The following EGFL7 variants were observed in gnomAD, a reference collection of about 807,000 sequenced individuals.
EGFL7 encodes the protein EGF like domain multiple 7, also known as epidermal growth factor-like protein 7.
Under a neutral mutation model 37.1 loss-of-function variants are expected in EGFL7, and 48 were observed. The ratio of observed to expected loss-of-function variants is 1.29; its 90% CI spans 1.03 to 1.65. The LOEUF (loss-of-function observed/expected upper bound fraction) is 1.65. EGFL7 is among the 40% of genes most tolerant of loss of function. The pLI is 0.00. For synonymous variants in EGFL7, 180 were observed against 156.8 expected (o/e 1.15, Z -1.10); for missense variants, 384 against 378.9 (o/e 1.01, Z -0.11).
intron 10 of EGFL7, 34 bp from the exon 11 acceptor site, chr9:136,672,230 A>C: frequency 6.2e-7 from 1 of 1,613,254 alleles, no homozygotes; most frequent in Admixed American, 1.7e-5. Context: ...TGTGGGGAGC[A>C]GTGATCTCTG....
At chr9:136,660,998 G>A (rs1320143977), upstream of EGFL7, among the ~76,000 whole-genome samples, 5 of 152,120 alleles carry the variant, frequency 3.3e-5, no homozygotes, top group East Asian at 9.7e-4. Flanking sequence ...ATGCAGGTGG[G>A]GGAGGAGGGG....
At chr9:136,662,316 C>T (rs1014759642), upstream of EGFL7, among the ~76,000 whole-genome samples, 16 of 152,184 alleles carry the variant, frequency 1.1e-4, no homozygotes, top group Admixed American at 5.9e-4. Context: ...TGTCCCCTCC[C>T]GTCACCCCCT....
chr9:136,670,757 G>C, intron 8 of EGFL7, 193 bp from the exon 9 acceptor site: 3 of 730,870 alleles, frequency 4.1e-6, no homozygotes, highest in South Asian at 2.9e-5. Context: ...GAGCCTCTGC[G>C]CAGAGCCACC....
rs148765702 is a variant in EGFL7 at position 136,668,288 on chromosome 9, G to A, written c.6G>A (p.Arg2=). M[R]GSQEVLLMWL... Reference sequence around the variant, plus strand: ...CCCGCCTGGAGGCACAGGCCATGAGGGGCTCTCAGGAGGTGCTGCTGATGT... The same window carrying A: ...CCCGCCTGGAGGCACAGGCCATGAGAGGCTCTCAGGAGGTGCTGCTGATGT... Residue 2 remains arginine, a synonymous_variant, in exon 4 of 11, where the codon AGG becomes AGA. Transcript: ENST00000308874. 6 of 1,605,656 alleles carry A rather than the reference G, an allele frequency of 3.7e-6. No individual in the cohort carries two copies. The highest frequency in any genetic ancestry group is 2.7e-5 in the African/African-American group (2 of 74,812).
upstream of EGFL7, chr9:136,659,702 G>T (rs1301604709): frequency 2.6e-5 from 4 of 152,412 alleles, no homozygotes; most frequent in East Asian, 7.7e-4. Context: ...TGGACAACAT[G>T]GCCCTGCTGA....
chr9:136,671,130 CG>C, intron 9 of EGFL7, 116 bp downstream of exon 9: 10 of 708,728 alleles, frequency 1.4e-5, no homozygotes, highest in South Asian at 1.1e-4. Context: ...GGTGAGGCAT[CG>C]GGGGGGTAGG....
chr9:136,668,771 C>A, intron 5 of EGFL7, 98 bp downstream of exon 5: 2 of 1,117,212 alleles, frequency 1.8e-6, no homozygotes, highest in Non-Finnish European at 2.6e-6. Context: ...TCCTGGGACC[C>A]AAGATGGGAA....
rs776233804 is a variant in EGFL7 at position 136,671,039 on chromosome 9, G to T, written c.636+25G>T. ...GGTGAGGCATTGGTGGGGGGGGGGG[G>T]GGGCAGGCAGTCCAGGGTGGACCTG... On this transcript the variant is annotated intron_variant, in intron 9 of 10. Transcript: ENST00000308874. The T allele has an allele frequency of 3.1e-5, 31 of 1,015,108 alleles. 1 individual carries two copies. The East Asian group carries it at 8.8e-4, about 29-fold the overall frequency. 62.9% of individuals were successfully genotyped at this position (1,015,108 alleles called of 1,614,324 possible). A position where few individuals can be genotyped will look rare whatever the true frequency, so the allele number is the denominator to read the frequency against.
Position 136,672,260 on chromosome 9 carries a change from C to T in EGFL7, c.800-4C>T, listed in dbSNP as rs771909271. On this transcript the variant is annotated splice_region_variant and splice_polypyrimidine_tract_variant and intron_variant, in intron 10 of 10. Transcript: ENST00000308874. ...TCTCTGACCTTCGCCTCATCCAACCCTAGGCTCCTGCAAGAAAGACTCGTG... is the reference window on the plus strand; with the variant it reads ...TCTCTGACCTTCGCCTCATCCAACCTTAGGCTCCTGCAAGAAAGACTCGTG... The T allele has an allele frequency of 3.7e-6, 6 of 1,613,432 alleles. No individual in the cohort carries two copies. The South Asian group carries it at 6.6e-5, about 18-fold the overall frequency.
rs745517015 is a variant in EGFL7 at position 136,672,060 on chromosome 9, T to G, written c.771T>G (p.Ile257Met). Residue 257 changes from isoleucine to methionine, a missense_variant, in exon 10 of 11, where the codon ATT becomes ATG. Ile to Met is a conservative substitution (Grantham distance 10). Transcript: ENST00000308874. Reference protein sequence around the residue: ...LGRIDSLSEQISFLEEQLGSC... With the variant: ...LGRIDSLSEQMSFLEEQLGSC... Reference sequence around the variant, plus strand: ...GCATCGACTCCCTGAGCGAGCAGATTTCCTTCCTGGAGGAGCAGCTGGGGT... The same window carrying G: ...GCATCGACTCCCTGAGCGAGCAGATGTCCTTCCTGGAGGAGCAGCTGGGGT... The G allele has an allele frequency of 1.4e-5, 21 of 1,546,528 alleles. 1 individual carries two copies. In the South Asian group the frequency reaches 2.1e-4, roughly 16 times the overall value.
chr9:136,661,908 A>G (rs12375661), upstream of EGFL7, among the ~76,000 whole-genome samples: 16,200 of 152,262 alleles, frequency 0.11, 1,079 homozygotes, highest in South Asian at 0.19. Flanking sequence ...AGCAGGGCTC[A>G]CACCCCACGG....
chr9:136,661,991 G>A (rs956825891), upstream of EGFL7, among the ~76,000 whole-genome samples: 3 of 152,150 alleles, frequency 2.0e-5, no homozygotes, highest in African/African-American at 4.8e-5. Flanking sequence ...AGCTCCCTTC[G>A]GCACCGTGTC....
intron 2 of EGFL7, among the ~76,000 whole-genome samples, chr9:136,663,900 C>G (rs1165967634): frequency 6.6e-6 from 1 of 152,214 alleles, no homozygotes. Context: ...AGGGCTGAGT[C>G]GGGGCAGCCC....
chr9:136,669,872 G>T, intron 6 of EGFL7, 42 bp from the exon 7 acceptor site: 1 of 1,534,654 alleles, frequency 6.5e-7, no homozygotes, highest in East Asian at 2.4e-5. Flanking sequence ...ACAGGGTGCT[G>T]GGGACCCAAC....
chr9:136,668,676 G>A lies in EGFL7; in HGVS notation c.197+3G>A, dbSNP rs776329468. 1.2e-5 allele frequency: 19 copies of A among 1,599,360 alleles called. No homozygotes were observed. The South Asian group carries it at 1.9e-4, about 16-fold the overall frequency. The stretch of plus-strand genomic sequence containing the variant: ...CACCGGGCCTGCAGCACCTACCGGT[G>A]AGTGCCCCACCACACCGAGCTCACC... On this transcript the variant is annotated splice_donor_region_variant and intron_variant, in intron 5 of 10. Coordinates refer to ENST00000308874, the MANE Select transcript of EGFL7 (RefSeq NM_016215.5).
At chr9:136,672,144 G>T in intron 10 of EGFL7, 56 bp downstream of exon 10, 1 of 1,573,588 alleles carries the variant, frequency 6.4e-7, no homozygotes, top group Non-Finnish European at 8.6e-7. Context: ...AGTGGGCCTA[G>T]AGGGGCTACC....
chr9:136,662,037 G>A (rs965595433), upstream of EGFL7, among the ~76,000 whole-genome samples: 4 of 147,310 alleles, frequency 2.7e-5, no homozygotes, highest in Non-Finnish European at 3.0e-5. Context: ...ACAGTGGCTC[G>A]CTCGGCCTGA....
At chr9:136,664,868 CG>C in intron 3 of EGFL7, 83 bp downstream of exon 3, 1 of 152,318 alleles carries the variant, frequency 6.6e-6, no homozygotes, top group Admixed American at 6.5e-5. Context: ...GCGCTGGCTC[CG>C]GCTGGGGTCT....
Position 136,669,994 on chromosome 9 carries a change from G to A in EGFL7, c.394G>A (p.Asp132Asn), listed in dbSNP as rs1845739745. 1 of 1,598,890 alleles carries A rather than the reference G, an allele frequency of 6.3e-7. No homozygotes were observed. Among genetic ancestry groups the A allele is most frequent in the Non-Finnish European group, 8.5e-7 (1 of 1,171,422 alleles). Residue 132 changes from aspartate (D) to asparagine (N), a missense_variant, in exon 7 of 11, where the codon GAC (aspartate) becomes AAC (asparagine). Asp to Asn is a conservative substitution (Grantham distance 23). Coordinates refer to ENST00000308874, the MANE Select transcript of EGFL7 (RefSeq NM_016215.5). ...RCRCPAGWRGDTCQSDVDECS... is the reference protein window; with the variant it reads ...RCRCPAGWRGNTCQSDVDECS... ...CCGCTGCCCTGCAGGATGGCGGGGTGACACTTGCCAGTCAGGTGAGGCTGG... is the reference window on the plus strand; with the variant it reads ...CCGCTGCCCTGCAGGATGGCGGGGTAACACTTGCCAGTCAGGTGAGGCTGG...
Sources: gnomAD v4.1 joint callset for allele counts (sites outside exome capture counted in the v4.1 genomes callset) on GRCh38, gnomAD v4.1.1 for gene constraint, MANE v1.5 for transcripts, NCBI Gene and HGNC (gene_info 2026-07-23, HGNC 2026-07-21) for gene names.